MS4A8: variants seen among roughly 807,000 people sequenced by gnomAD.
MS4A8 encodes membrane-spanning 4-domains subfamily A member 8.
MS4A8 carries 27 observed loss-of-function variants against 23.7 expected under a neutral mutation model. That is an observed-to-expected ratio of 1.14 (90% confidence interval 0.84 to 1.57). The LOEUF (loss-of-function observed/expected upper bound fraction) is 1.57. Among genes scored for constraint, MS4A8 ranks in the 40% most tolerant of loss-of-function variants. The pLI is 0.00. For missense variants in MS4A8, 301 were observed against 311.4 expected, an observed-to-expected ratio of 0.97 and a Z score of 0.25; for synonymous variants, 138 against 126.3, an observed-to-expected ratio of 1.09 and a Z score of -0.62.
At position 60,715,464 on chromosome 11, in the gene MS4A8, T is replaced by A. The variant is rs2088336300; in HGVS notation, c.*50T>A. The A allele has an allele frequency of 1.4e-6, 2 of 1,475,100 alleles. No homozygotes were observed. Among genetic ancestry groups the A allele is most frequent in the African/African-American group, 1.4e-5 (1 of 72,362 alleles). 91.4% of individuals were successfully genotyped at this position (1,475,100 alleles called of 1,614,324 possible). ...TCACTGGGACCAAAAGAAGTCCTCC[T>A]CCCTTTCTGGGCTTCCATAACCCAG... On this transcript the variant is annotated 3_prime_UTR_variant, in exon 7 of 7. Coordinates refer to ENST00000300226, the MANE Select transcript of MS4A8 (RefSeq NM_031457.2).
chr11:60,712,175 C>A, intron 5 of MS4A8: 2 of 319,670 alleles, frequency 6.3e-6, no homozygotes, highest in Non-Finnish European at 9.9e-6. Context: ...TCCCCTTTTC[C>A]TGGGACAACT....
rs1353801227 is a variant in MS4A8, at chr11:60,713,957, G to A, written c.535-1064G>A. Among the ~76,000 whole-genome samples the A allele has an allele frequency of 1.3e-4, 16 of 124,866 alleles. 1 individual carries two copies. The highest frequency in any genetic ancestry group is 1.9e-4 in the Non-Finnish European group (12 of 64,664). 81.9% of individuals were successfully genotyped at this position (124,866 alleles called of 152,430 possible). On this transcript the variant is annotated intron_variant, in intron 5 of 6. Coordinates refer to ENST00000300226, the MANE Select transcript of MS4A8 (RefSeq NM_031457.2). ...TTTTGAGACGGAGTCTCGCTCTGTC[G>A]CCCAGGCCGGACTGCGGACTGCAGT...
At chr11:60,702,517 C>T (rs1413118927) in intron 2 of MS4A8, among the ~76,000 whole-genome samples, 4 of 152,250 alleles carry the variant, frequency 2.6e-5, no homozygotes, top group African/African-American at 9.6e-5. Context: ...ATTCTCCCGC[C>T]TCAGCCTCCC....
chr11:60,707,119 G>A, intron 4 of MS4A8, 72 bp downstream of exon 4: 1 of 1,370,872 alleles, frequency 7.3e-7, no homozygotes, highest in South Asian at 1.2e-5. Flanking sequence ...GGAAAATAAG[G>A]TCACATACGA....
At chr11:60,702,209 T>C (rs1044031265) in intron 2 of MS4A8, among the ~76,000 whole-genome samples, 10 of 152,310 alleles carry the variant, frequency 6.6e-5, no homozygotes, top group African/African-American at 2.2e-4. Context: ...TCGCCTACCT[T>C]AAACAAGTTC....
chr11:60,708,572 G>T (rs2088276396), intron 4 of MS4A8, 78 bp from the exon 5 acceptor site: 1 of 1,417,720 alleles, frequency 7.1e-7, no homozygotes, highest in African/African-American at 1.5e-5. Flanking sequence ...GGGGGAAAAA[G>T]AAACACTTGT....
chr11:60,710,801 T>C (rs1212255815), intron 5 of MS4A8, among the ~76,000 whole-genome samples: 1 of 152,200 alleles, frequency 6.6e-6, no homozygotes, highest in African/African-American at 2.4e-5. Flanking sequence ...ATCCTCTGGT[T>C]CTGCTGCTGA....
intron 4 of MS4A8, among the ~76,000 whole-genome samples, chr11:60,708,262 TA>T (rs1256570503): frequency 6.6e-6 from 1 of 152,178 alleles, no homozygotes; most frequent in East Asian, 1.9e-4. Context: ...AAGTCCTCAT[TA>T]AAGGCTCTGA....
intron 5 of MS4A8, among the ~76,000 whole-genome samples, chr11:60,714,379 CAGA>C (rs1384911885): frequency 6.6e-6 from 1 of 152,134 alleles, no homozygotes; most frequent in Non-Finnish European, 1.5e-5. Context: ...CAGCTCGAGG[CAGA>C]AGAATTTTTC....
chr11:60,709,815 T>A (rs1303737398), intron 5 of MS4A8, among the ~76,000 whole-genome samples: 3 of 152,262 alleles, frequency 2.0e-5, no homozygotes, highest in Middle Eastern at 3.2e-3. Flanking sequence ...AGCATGCTTT[T>A]GTTTCTTAAA....
At position 60,703,399 on chromosome 11, in the gene MS4A8, C is replaced by G; in HGVS notation, c.241C>G (p.Leu81Val). The G allele has an allele frequency of 6.3e-7, 1 of 1,598,836 alleles. No individual in the cohort carries two copies. The highest frequency in any genetic ancestry group is 8.5e-7 in the Non-Finnish European group (1 of 1,173,770). The change falls in exon 3 of 7, where the codon CTG becomes GTG. Residue 81 changes from leucine to valine, a missense_variant. Physicochemically the swap from Leu to Val is conservative, Grantham distance 32. Coordinates refer to ENST00000300226, the MANE Select transcript of MS4A8 (RefSeq NM_031457.2). The stretch of plus-strand genomic sequence containing the variant: ...ACAGGCCATCCAGATCATCATTGGC[C>G]TGGCTCACATCGGCCTCGGCTCCAT... ...TLGAIQIIIG[L>V]AHIGLGSIMA...
At position 60,710,385 on chromosome 11, in the gene MS4A8, C is replaced by T. The variant is rs1214142905; in HGVS notation, c.534+1604C>T. On this transcript the variant is annotated intron_variant, in intron 5 of 6. Coordinates refer to ENST00000300226, the MANE Select transcript of MS4A8 (RefSeq NM_031457.2). ...CTTCTCTACTCAGTTTTCCTGATTC[C>T]AGTTGATGGCAACTCCATCCTTCCA... Among the ~76,000 whole-genome samples, 8 of 152,174 alleles carry T rather than the reference C, an allele frequency of 5.3e-5. 1 individual carries two copies. Among genetic ancestry groups the T allele is most frequent in the Non-Finnish European group, 8.8e-5 (6 of 68,040 alleles).
Sources: allele counts gnomAD v4.1 joint callset (sites outside exome capture counted in the v4.1 genomes callset), GRCh38; gene constraint gnomAD v4.1.1; transcripts MANE v1.5; gene names NCBI Gene and HGNC (gene_info 2026-07-23, HGNC 2026-07-21).